The following DUSP16 variants were observed in gnomAD, a reference collection of about 807,000 sequenced individuals.
DUSP16 encodes the protein dual specificity phosphatase 16, also known as dual specificity protein phosphatase 16.
A neutral mutation model predicts 58.3 loss-of-function variants in DUSP16; 21 were observed. That is an observed-to-expected ratio of 0.36 (90% CI 0.26 to 0.52). The LOEUF (loss-of-function observed/expected upper bound fraction) is 0.52. DUSP16 is among the 20% of genes least tolerant of loss of function. The pLI, the probability that DUSP16 is intolerant of heterozygous loss-of-function variation, is 0.94. For missense variants in DUSP16, 726 were observed against 819.0 expected, an observed-to-expected ratio of 0.89 and a Z score of 1.39; for synonymous variants, 320 against 323.8, an observed-to-expected ratio of 0.99 and a Z score of 0.12.
chr12:12,534,955 A>C (rs1011660078), intron 1 of DUSP16, among the ~76,000 whole-genome samples: 2 of 152,248 alleles, frequency 1.3e-5, no homozygotes, highest in Admixed American at 6.5e-5. Flanking sequence ...CCAGATACTA[A>C]GTCAGACTTC....
At chr12:12,541,738 G>C (rs1220876126) in intron 1 of DUSP16, among the ~76,000 whole-genome samples, 4 of 152,310 alleles carry the variant, frequency 2.6e-5, no homozygotes, top group African/African-American at 9.6e-5. Context: ...TGTAAAGTGA[G>C]ATATAACATC....
At chr12:12,551,655 T>C (rs1184088809) in intron 1 of DUSP16, among the ~76,000 whole-genome samples, 1 of 151,796 alleles carries the variant, frequency 6.6e-6, no homozygotes, top group Non-Finnish European at 1.5e-5. Flanking sequence ...TAATCAAATG[T>C]GCCAACATTT....
chr12:12,540,251 G>A (rs1392632111), intron 1 of DUSP16, among the ~76,000 whole-genome samples: 2 of 151,990 alleles, frequency 1.3e-5, no homozygotes, highest in Non-Finnish European at 2.9e-5. Context: ...TGGGGAGCTT[G>A]AGCCCGGGAG....
Position 12,477,423 on chromosome 12 carries a change from T to G in DUSP16, c.1408A>C (p.Lys470Gln), listed in dbSNP as rs1420977031. The change falls in exon 7 of 7, where the codon AAG becomes CAG. Residue 470 changes from lysine to glutamine, a missense_variant. Coordinates refer to ENST00000298573, the MANE Select transcript of DUSP16 (RefSeq NM_030640.3). The surrounding 1 kb of genome is among the most constrained non-coding windows in gnomAD (Gnocchi z 4.1). ...PDKEEASIPK[K>Q]LQTARPSDSQ... Reference sequence around the variant, plus strand: ...TCTGAAGGCCTGGCGGTCTGCAGCTTCTTGGGGATGCTGGCTTCCTCCTTA... The same window carrying G: ...TCTGAAGGCCTGGCGGTCTGCAGCTGCTTGGGGATGCTGGCTTCCTCCTTA... 3.1e-6 allele frequency: 5 copies of G among 1,608,320 alleles called. No individual in the cohort carries two copies. Among genetic ancestry groups the G allele is most frequent in the Admixed American group, 1.7e-5 (1 of 59,374 alleles).
chr12:12,552,570 A>G (rs1237143060), intron 1 of DUSP16, among the ~76,000 whole-genome samples: 1 of 152,250 alleles, frequency 6.6e-6, no homozygotes, highest in Non-Finnish European at 1.5e-5. Flanking sequence ...ATCCGTGTGC[A>G]GCCAGGTTTT....
chr12:12,555,170 G>A (rs1021789840), intron 1 of DUSP16, among the ~76,000 whole-genome samples: 3 of 152,232 alleles, frequency 2.0e-5, no homozygotes, highest in African/African-American at 7.2e-5. Context: ...GCCGAAAAAG[G>A]TGACTGGAAA....
At chr12:12,513,290 T>C (rs1024563856) in intron 3 of DUSP16, among the ~76,000 whole-genome samples, 11 of 152,210 alleles carry the variant, frequency 7.2e-5, no homozygotes, top group Admixed American at 4.6e-4. Context: ...GCTAACATAG[T>C]TTAATGCTTT....
intron 3 of DUSP16, among the ~76,000 whole-genome samples, chr12:12,516,585 T>A (rs1265375676): frequency 6.6e-6 from 1 of 152,224 alleles, no homozygotes; most frequent in Non-Finnish European, 1.5e-5. Flanking sequence ...AGCATTTTCA[T>A]CAGATTTTAA....
chr12:12,512,241 TTA>T (rs753949956), intron 3 of DUSP16, among the ~76,000 whole-genome samples: 11 of 152,140 alleles, frequency 7.2e-5, no homozygotes, highest in Non-Finnish European at 1.6e-4. Context: ...AACAAAAATT[TTA>T]TCTGTTTAAG....
intron 1 of DUSP16, among the ~76,000 whole-genome samples, chr12:12,540,119 C>T (rs1223433194): frequency 5.4e-5 from 8 of 147,676 alleles, no homozygotes; most frequent in South Asian, 2.1e-4. Context: ...ACTGAGACCC[C>T]GACTCTACTT....
intron 1 of DUSP16, among the ~76,000 whole-genome samples, chr12:12,535,843 C>T (rs1944454962): frequency 6.6e-6 from 1 of 152,114 alleles, no homozygotes; most frequent in Non-Finnish European, 1.5e-5. Context: ...ATTCCAGATG[C>T]AGAAAACGCA....
intron 4 of DUSP16, among the ~76,000 whole-genome samples, chr12:12,498,695 T>A (rs927445624): frequency 3.9e-5 from 6 of 152,198 alleles, no homozygotes; most frequent in Non-Finnish European, 8.8e-5. Flanking sequence ...GATTCCAAAG[T>A]GTGTGAGCCA....
In DUSP16 at chr12:12,520,952, G is replaced by C. The variant is rs1347157878; in HGVS notation, c.147C>G (p.Asn49Lys). Reference sequence around the variant, plus strand: ...ACCTTCGCTTCATAAGCTTGGAGCAGTTGATATTAATGGCTTCCAAAATGT... The same window carrying C: ...ACCTTCGCTTCATAAGCTTGGAGCACTTGATATTAATGGCTTCCAAAATGT... The part of the protein sequence containing the change: ...TSHILEAINI[N>K]CSKLMKRRLQ... The change falls in exon 2 of 7, where the codon AAC (asparagine) becomes AAG (lysine). Residue 49 changes from asparagine to lysine, a missense_variant. Asn to Lys is a moderately conservative substitution (Grantham distance 94). Transcript: ENST00000298573. 2 of 1,614,092 alleles carry C rather than the reference G, an allele frequency of 1.2e-6. No homozygotes were observed. Among genetic ancestry groups the C allele is most frequent in the Non-Finnish European group, 1.7e-6 (2 of 1,180,044 alleles).
intron 1 of DUSP16, among the ~76,000 whole-genome samples, chr12:12,527,855 G>A (rs563736264): frequency 6.6e-6 from 1 of 152,260 alleles, no homozygotes; most frequent in African/African-American, 2.4e-5. Flanking sequence ...CCACACTGTT[G>A]AAAGCCGCCC....
At chr12:12,522,708 C>T (rs537058503) in intron 1 of DUSP16, among the ~76,000 whole-genome samples, 12 of 151,724 alleles carry the variant, frequency 7.9e-5, no homozygotes, top group East Asian at 7.8e-4. Context: ...GGACTACAGG[C>T]GCGCACCACC....
intron 3 of DUSP16, among the ~76,000 whole-genome samples, chr12:12,511,169 C>T (rs1944073690): frequency 6.6e-6 from 1 of 152,176 alleles, no homozygotes; most frequent in Admixed American, 6.5e-5. Context: ...CAAGACAGAG[C>T]ATGTGAACAG....
At chr12:12,522,429 T>C (rs981862896) in intron 1 of DUSP16, among the ~76,000 whole-genome samples, 1 of 152,210 alleles carries the variant, frequency 6.6e-6, no homozygotes, top group Non-Finnish European at 1.5e-5. Flanking sequence ...GTTGAAGTTT[T>C]GCGCTTATTG....
chr12:12,554,574 T>A (rs1008388257), intron 1 of DUSP16: 8 of 152,236 alleles, frequency 5.3e-5, no homozygotes, highest in African/African-American at 1.9e-4. Context: ...AATTTATCAA[T>A]ACTCTTTTAT....
intron 5 of DUSP16, among the ~76,000 whole-genome samples, chr12:12,481,349 T>TA (rs1943561176): frequency 6.6e-6 from 1 of 152,220 alleles, no homozygotes; most frequent in Admixed American, 6.5e-5. Flanking sequence ...GCCTGGAAGC[T>TA]ACTAACATTC....
Sources: gnomAD v4.1 joint callset for allele counts (sites outside exome capture counted in the v4.1 genomes callset) on GRCh38, gnomAD v4.1.1 for gene constraint, Gnocchi (gnomAD v3.1) non-coding constraint, MANE v1.5 for transcripts, NCBI Gene and HGNC (gene_info 2026-07-23, HGNC 2026-07-21) for gene names.